Variants in MUSK observed in about 807,000 individuals in gnomAD.
MUSK encodes the protein muscle associated receptor tyrosine kinase, also known as muscle, skeletal receptor tyrosine-protein kinase.
In MUSK, 55 loss-of-function variants were observed where a neutral mutation model predicts 88.7. The ratio of observed to expected loss-of-function variants is 0.62; its 90% CI spans 0.50 to 0.78. The LOEUF (loss-of-function observed/expected upper bound fraction) is 0.78, where lower values mean the gene tolerates loss of function less well. MUSK is among the 30% of genes least tolerant of loss of function. The pLI, the probability that MUSK is intolerant of heterozygous loss-of-function variation, is 0.00. For synonymous variants in MUSK, 387 were observed against 391.9 expected (o/e 0.99, Z 0.15); for missense variants, 1,015 against 1,074.3 (o/e 0.94, Z 0.77).
intron 1 of MUSK, among the ~76,000 whole-genome samples, chr9:110,670,995 CAG>C (rs1181760197): frequency 1.3e-5 from 2 of 152,030 alleles, no homozygotes; most frequent in Non-Finnish European, 2.9e-5. Context: ...TTATTTGAGA[CAG>C]AGTCTCGTTC....
chr9:110,690,207 AAT>A lies in MUSK; in HGVS notation c.358+2946_358+2947del, dbSNP rs1297236785. On this transcript the variant is annotated intron_variant, in intron 3 of 14. Transcript: ENST00000374448. ...ATTTAAGTATATATAAATATATATA[AAT>A]ATATATTTAAGTATAAATATATATT... Among the ~76,000 whole-genome samples the A allele has an allele frequency of 2.4e-3, 244 of 102,450 alleles. 5 individuals are homozygous for A. The highest frequency in any genetic ancestry group is 9.7e-3 in the African/African-American group (238 of 24,512). The allele number at this position is 102,450 out of a possible 152,430, so 67.2% of individuals were successfully genotyped here. A position where few individuals can be genotyped will look rare whatever the true frequency, so the allele number is the denominator to read the frequency against.
chr9:110,740,632 T>C (rs907875961), intron 6 of MUSK, among the ~76,000 whole-genome samples: 2 of 152,200 alleles, frequency 1.3e-5, no homozygotes, highest in African/African-American at 2.4e-5. Context: ...GAAGTTACCC[T>C]GTCACTAGGG....
rs766600402 is a variant in MUSK, at chr9:110,682,759, C to T, written c.165C>T (p.Pro55=). The part of the protein sequence containing the change: ...ATFMCAVESY[P]QPEISWTRNK... ...TCATGTGTGCAGTGGAATCCTACCC[C>T]CAGCCTGAGATTTCCTGGACTAGAA... Residue 55 remains proline (P), a synonymous_variant, in exon 2 of 15, where the codon CCC becomes CCT. Transcript: ENST00000374448. 1.0e-4 allele frequency: 164 copies of T among 1,612,680 alleles called. 3 individuals carry two copies. In the South Asian group the frequency reaches 1.7e-3, roughly 17 times the overall value.
chr9:110,704,077 C>T (rs912657571), intron 5 of MUSK, among the ~76,000 whole-genome samples: 1 of 152,128 alleles, frequency 6.6e-6, no homozygotes, highest in African/African-American at 2.4e-5. Context: ...TTTGGTATAG[C>T]CGCATGAAGG....
In MUSK at chr9:110,787,500, T is replaced by G. The variant is rs188568173; in HGVS notation, c.1779-190T>G. Reference sequence around the variant, plus strand: ...AATTGTTGAAAATAACACCAGTGATTTTTATTAGTTGACATCAAGGAGTTT... The same window carrying G: ...AATTGTTGAAAATAACACCAGTGATGTTTATTAGTTGACATCAAGGAGTTT... On this transcript the variant is annotated intron_variant, in intron 13 of 14. Coordinates refer to ENST00000374448, the MANE Select transcript of MUSK (RefSeq NM_005592.4). Among the ~76,000 whole-genome samples, 5 of 152,220 alleles carry G rather than the reference T, an allele frequency of 3.3e-5. No individual in the cohort carries two copies. The East Asian group carries it at 7.7e-4, about 23-fold the overall frequency.
At chr9:110,689,600 ATAT>A (rs1409375404) in intron 3 of MUSK, among the ~76,000 whole-genome samples, 7 of 93,142 alleles carry the variant, frequency 7.5e-5, no homozygotes, top group African/African-American at 3.1e-4. Flanking sequence ...AATATATAAC[ATAT>A]TATATATTTT....
intron 7 of MUSK, among the ~76,000 whole-genome samples, chr9:110,755,347 T>C (rs1245512639): frequency 6.6e-6 from 1 of 152,174 alleles, no homozygotes; most frequent in Non-Finnish European, 1.5e-5. Context: ...TTAAAGTGCA[T>C]TGTAGATTGC....
At position 110,682,685 on chromosome 9, in the gene MUSK, A is replaced by G. The variant is rs2076148381; in HGVS notation, c.91A>G (p.Thr31Ala). The change falls in exon 2 of 15, where the codon ACC becomes GCC. Residue 31 changes from threonine (T) to alanine (A), a missense_variant. Thr to Ala is a moderately conservative substitution (Grantham distance 58). Coordinates refer to ENST00000374448, the MANE Select transcript of MUSK (RefSeq NM_005592.4). Reference protein sequence around the residue: ...TEKLPKAPVITTPLETVDALV... With the variant: ...TEKLPKAPVIATPLETVDALV... ...TCCTTTCCTTTCAGCTCCTGTCATC[A>G]CCACTCCTCTTGAAACAGTGGATGC... The G allele has an allele frequency of 6.2e-7, 1 of 1,612,090 alleles. No homozygotes were observed.
In MUSK at chr9:110,800,604, C is replaced by A. The variant is rs760338360; in HGVS notation, c.2226C>A (p.Ala742=). Residue 742 remains alanine (A), a synonymous_variant, in exon 15 of 15, where the codon GCC becomes GCA. Coordinates refer to ENST00000374448, the MANE Select transcript of MUSK (RefSeq NM_005592.4). The stretch of plus-strand genomic sequence containing the variant: ...GCGAGAACATGGTGGTGAAAATTGC[C>A]GACTTTGGCCTCTCCAGGAACATCT... ...LVGENMVVKI[A]DFGLSRNIYS... is the part of the protein sequence containing the mutation. 1 of 1,613,586 alleles carries A rather than the reference C, an allele frequency of 6.2e-7. No homozygotes were observed.
In MUSK at chr9:110,800,929, A is replaced by G; in HGVS notation, c.2551A>G (p.Ser851Gly). 1 of 1,531,154 alleles carries G rather than the reference A, an allele frequency of 6.5e-7. No homozygotes were observed. The highest frequency in any genetic ancestry group is 8.8e-7 in the Non-Finnish European group (1 of 1,140,794). The allele number at this position is 1,531,154 out of a possible 1,614,324, so 94.8% of individuals were successfully genotyped here. ...KLPADRPSFTSIHRILERMCE... is the reference protein window; with the variant it reads ...KLPADRPSFTGIHRILERMCE... ...GCCTGCAGACAGACCCAGTTTCACCAGTATTCACCGAATTCTGGAACGCAT... is the reference window on the plus strand; with the variant it reads ...GCCTGCAGACAGACCCAGTTTCACCGGTATTCACCGAATTCTGGAACGCAT... The change falls in exon 15 of 15, where the codon AGT becomes GGT. Residue 851 changes from serine to glycine, a missense_variant. Coordinates refer to ENST00000374448, the MANE Select transcript of MUSK (RefSeq NM_005592.4).
At chr9:110,756,029 T>C (rs2077320481) in intron 7 of MUSK, among the ~76,000 whole-genome samples, 1 of 147,010 alleles carries the variant, frequency 6.8e-6, no homozygotes, top group African/African-American at 2.5e-5. Context: ...CTCAATGAAA[T>C]GGATACTTTT....
chr9:110,780,405 T>C (rs2077732081), intron 11 of MUSK, among the ~76,000 whole-genome samples: 1 of 152,220 alleles, frequency 6.6e-6, no homozygotes, highest in Admixed American at 6.5e-5. Context: ...TGCAGAGTGA[T>C]TCTCAATATT....
At chr9:110,745,504 GAT>G (rs1347951626) in intron 6 of MUSK, among the ~76,000 whole-genome samples, 7 of 152,156 alleles carry the variant, frequency 4.6e-5, no homozygotes, top group Non-Finnish European at 7.4e-5. Flanking sequence ...AAAGTCTGTT[GAT>G]TGAGCATAGA....
Position 110,787,857 on chromosome 9 carries a change from G to A in MUSK, c.1927+19G>A. 2 of 1,600,958 alleles carry A rather than the reference G, an allele frequency of 1.2e-6. No homozygotes were observed. Among genetic ancestry groups the A allele is most frequent in the East Asian group, 2.2e-5 (1 of 44,644 alleles). On this transcript the variant is annotated intron_variant, in intron 14 of 14. Transcript: ENST00000374448. ...CTATTAGGTATGAAAATACAAGTGA[G>A]GATATGTATTTCATCAGAAAACAGA...
intron 12 of MUSK, 89 bp from the exon 13 acceptor site, chr9:110,785,438 A>G (rs1316013183): frequency 2.6e-6 from 3 of 1,133,260 alleles, no homozygotes; most frequent in Non-Finnish European, 3.7e-6. Context: ...CATTACTCTT[A>G]AATGCCATAT....
chr9:110,689,700 TAA>T (rs2076271642), intron 3 of MUSK, among the ~76,000 whole-genome samples: 2 of 48,928 alleles, frequency 4.1e-5, no homozygotes, highest in South Asian at 5.0e-4. Flanking sequence ...TAGTTATATA[TAA>T]ATATATAACT....
At chr9:110,743,470 T>C (rs2077129884) in intron 6 of MUSK, among the ~76,000 whole-genome samples, 1 of 152,228 alleles carries the variant, frequency 6.6e-6, no homozygotes, top group South Asian at 2.1e-4. Context: ...GATTTATTTA[T>C]AGTTATACCA....
In MUSK at chr9:110,734,268, C is replaced by G. The variant is rs369353843; in HGVS notation, c.646C>G (p.Arg216Gly). The G allele has an allele frequency of 6.2e-7, 1 of 1,612,390 alleles. No individual in the cohort carries two copies. The highest frequency in any genetic ancestry group is 8.5e-7 in the Non-Finnish European group (1 of 1,179,098). The stretch of plus-strand genomic sequence containing the variant: ...CCTAACAGTTTTTGCCAGGATCCTG[C>G]GGGCTCCTGAATCCCACAATGTCAC... Reference protein sequence around the residue: ...LEVEVFARILRAPESHNVTFG... With the variant: ...LEVEVFARILGAPESHNVTFG... The change falls in exon 6 of 15, where the codon CGG (arginine) becomes GGG (glycine). Residue 216 changes from arginine (R) to glycine (G), a missense_variant. Physicochemically the swap from Arg to Gly is moderately radical, Grantham distance 125 (BLOSUM62 -2). Transcript: ENST00000374448.
At chr9:110,686,803 A>C (rs946687415) in intron 2 of MUSK, among the ~76,000 whole-genome samples, 9 of 152,154 alleles carry the variant, frequency 5.9e-5, no homozygotes, top group African/African-American at 2.2e-4. Flanking sequence ...TATTGGGAGA[A>C]GACACCTATG....
Sources: gnomAD v4.1 joint callset for allele counts (sites outside exome capture counted in the v4.1 genomes callset) on GRCh38, gnomAD v4.1.1 for gene constraint, MANE v1.5 for transcripts, NCBI Gene and HGNC (gene_info 2026-07-23, HGNC 2026-07-21) for gene names.